The following SGCZ variants were observed in gnomAD, a reference collection of about 807,000 sequenced individuals.
The protein encoded by SGCZ is zeta-sarcoglycan.
In SGCZ, 40 loss-of-function variants were observed where a neutral mutation model predicts 41.3. That is an observed-to-expected ratio of 0.97 (90% CI 0.75 to 1.26). The LOEUF is 1.26. Among genes scored for constraint, SGCZ ranks in the 50% most tolerant of loss-of-function variants. The pLI, the probability that SGCZ is intolerant of heterozygous loss-of-function variation, is 0.00. For synonymous variants in SGCZ, 206 were observed against 137.5 expected (o/e 1.50, Z -3.49); for missense variants, 552 against 369.8 (o/e 1.49, Z -4.04).
chr8:14,432,849 G>T (rs1018925776), intron 2 of SGCZ, among the ~76,000 whole-genome samples: 1 of 148,918 alleles, frequency 6.7e-6, no homozygotes, highest in East Asian at 2.0e-4. Flanking sequence ...AGGAGGAGGA[G>T]GTTGCAGTAA....
intron 3 of SGCZ, among the ~76,000 whole-genome samples, chr8:14,299,857 T>A (rs1240803620): frequency 8.7e-6 from 1 of 114,330 alleles, no homozygotes; most frequent in Admixed American, 1.0e-4. Flanking sequence ...ATATAGTATC[T>A]TTATTTATTA....
intron 2 of SGCZ, among the ~76,000 whole-genome samples, chr8:14,340,480 A>G (rs955060953): frequency 6.6e-6 from 1 of 152,038 alleles, no homozygotes; most frequent in South Asian, 2.1e-4. Flanking sequence ...TTTGCTGAAT[A>G]CTCTATCCCT....
chr8:14,836,056 C>A (rs1345220631), intron 1 of SGCZ, among the ~76,000 whole-genome samples: 1 of 152,082 alleles, frequency 6.6e-6, no homozygotes, highest in African/African-American at 2.4e-5. Context: ...TCCCTTTAGG[C>A]CCTCTACCTT....
chr8:14,187,113 C>T (rs555353144), intron 4 of SGCZ, among the ~76,000 whole-genome samples: 1 of 152,184 alleles, frequency 6.6e-6, no homozygotes, highest in Non-Finnish European at 1.5e-5. Flanking sequence ...TAAGACTGTA[C>T]CCTCTGAGGA....
chr8:14,109,275 C>T lies in SGCZ; in HGVS notation c.548-1040G>A, dbSNP rs149062829. On this transcript the variant is annotated intron_variant, in intron 5 of 7. Coordinates refer to ENST00000382080, the MANE Select transcript of SGCZ (RefSeq NM_139167.4). ...GATACTCTATCTCAACTTTCATTTA[C>T]TGAATCCATTTTTTTCCAGATTCTC... is the stretch of plus-strand genomic sequence containing the variant. Among the ~76,000 whole-genome samples the T allele has an allele frequency of 1.4e-4, 21 of 152,266 alleles. No homozygotes were observed. In the East Asian group the frequency reaches 3.5e-3, roughly 25 times the overall value.
intron 2 of SGCZ, among the ~76,000 whole-genome samples, chr8:14,340,228 C>A (rs1585383260): frequency 6.6e-6 from 1 of 152,090 alleles, no homozygotes. Flanking sequence ...AAGATTTCTT[C>A]CCATGTTGCT....
intron 1 of SGCZ, among the ~76,000 whole-genome samples, chr8:14,892,290 C>T (rs1805045301): frequency 6.6e-6 from 1 of 152,000 alleles, no homozygotes; most frequent in Admixed American, 6.6e-5. Context: ...TAGGGGATAT[C>T]GCAACATACC....
chr8:15,003,679 C>T (rs1349435141), intron 1 of SGCZ, among the ~76,000 whole-genome samples: 1 of 152,004 alleles, frequency 6.6e-6, no homozygotes, highest in Non-Finnish European at 1.5e-5. Flanking sequence ...GAAGACTTGG[C>T]TGTGTATATA....
In SGCZ at chr8:15,040,239, C is replaced by T. The variant is rs540132741; in HGVS notation, c.39+197346G>A. Among the ~76,000 whole-genome samples, 12 of 152,288 alleles carry T rather than the reference C, an allele frequency of 7.9e-5. No individual in the cohort carries two copies. In the South Asian group the frequency reaches 2.5e-3, roughly 32 times the overall value. ...TTTATTATGCTATCTTTCCTTACTCCCTTCTCCATGTTAACGAATATAGTA... is the reference window on the plus strand; with the variant it reads ...TTTATTATGCTATCTTTCCTTACTCTCTTCTCCATGTTAACGAATATAGTA... On this transcript the variant is annotated intron_variant, in intron 1 of 7. Coordinates refer to ENST00000382080, the MANE Select transcript of SGCZ (RefSeq NM_139167.4).
At chr8:14,552,475 A>G (rs1803901151) in intron 2 of SGCZ, among the ~76,000 whole-genome samples, 1 of 152,100 alleles carries the variant, frequency 6.6e-6, no homozygotes, top group African/African-American at 2.4e-5. Context: ...CCTTCTGATT[A>G]TAAAAAGGTC....
chr8:14,669,553 T>C (rs547080518), intron 1 of SGCZ, among the ~76,000 whole-genome samples: 126 of 152,240 alleles, frequency 8.3e-4, no homozygotes, highest in African/African-American at 3.0e-3. Context: ...AGATTCCATA[T>C]ATAAGTAAGA....
chr8:14,920,790 C>A (rs1055447578), intron 1 of SGCZ, among the ~76,000 whole-genome samples: 1 of 152,144 alleles, frequency 6.6e-6, no homozygotes, highest in African/African-American at 2.4e-5. Context: ...TTGTTTAACT[C>A]ATTCTAAAAT....
intron 2 of SGCZ, among the ~76,000 whole-genome samples, chr8:14,357,286 T>C (rs1182171431): frequency 3.9e-5 from 6 of 152,190 alleles, no homozygotes; most frequent in Non-Finnish European, 8.8e-5. Context: ...GTAGCTTCAT[T>C]ACTTAGTAGC....
chr8:14,281,798 C>A (rs6530747), intron 3 of SGCZ, among the ~76,000 whole-genome samples: 104,726 of 151,862 alleles, frequency 0.69, 36,334 homozygotes, highest in Admixed American at 0.72. Context: ...AAGTACACTT[C>A]TAAGAAATAT....
intron 1 of SGCZ, among the ~76,000 whole-genome samples, chr8:14,689,881 G>A (rs866172054): frequency 2.6e-5 from 4 of 152,142 alleles, no homozygotes; most frequent in South Asian, 4.1e-4. Context: ...AAAAATGGGC[G>A]GAGACTGGTT....
chr8:14,956,962 C>CAG (rs1349103158), intron 1 of SGCZ, among the ~76,000 whole-genome samples: 2 of 151,990 alleles, frequency 1.3e-5, no homozygotes, highest in African/African-American at 4.8e-5. Flanking sequence ...TATATACAGA[C>CAG]AGAAACACAC....
intron 2 of SGCZ, among the ~76,000 whole-genome samples, chr8:14,381,196 G>A (rs937502087): frequency 6.6e-6 from 1 of 152,228 alleles, no homozygotes; most frequent in Admixed American, 6.5e-5. Context: ...TGGTCAAGTA[G>A]GAATTCTAAT....
chr8:14,618,167 A>G (rs539747381), intron 1 of SGCZ, among the ~76,000 whole-genome samples: 55 of 152,292 alleles, frequency 3.6e-4, no homozygotes, highest in African/African-American at 1.3e-3. Context: ...ATAACCAAAA[A>G]TATCTACTTT....
chr8:14,705,018 A>C (rs12681568), intron 1 of SGCZ, among the ~76,000 whole-genome samples: 58,861 of 151,824 alleles, frequency 0.39, 13,992 homozygotes, highest in Non-Finnish European at 0.54. Flanking sequence ...TATTGATATT[A>C]ATAGCCACCA....
Sources: allele counts gnomAD v4.1 joint callset (sites outside exome capture counted in the v4.1 genomes callset), GRCh38; gene constraint gnomAD v4.1.1; transcripts MANE v1.5; gene names NCBI Gene and HGNC (gene_info 2026-07-23, HGNC 2026-07-21).